HMGCLL1: variants seen among roughly 807,000 people sequenced by gnomAD.
HMGCLL1 encodes 3-hydroxy-3-methylglutaryl-CoA lyase like 1, also known as 3-hydroxymethyl-3-methylglutaryl-CoA lyase, cytoplasmic.
A neutral mutation model predicts 39.1 loss-of-function variants in HMGCLL1; 36 were observed. The ratio of observed to expected loss-of-function variants is 0.92; its 90% CI spans 0.71 to 1.22. HMGCLL1 has a LOEUF of 1.22. Among genes scored for constraint, HMGCLL1 ranks in the 50% most tolerant of loss-of-function variants. HMGCLL1 has a pLI of 0.00. For missense variants in HMGCLL1, 451 were observed against 416.5 expected, an observed-to-expected ratio of 1.08 and a Z score of -0.72; for synonymous variants, 149 against 144.0, an observed-to-expected ratio of 1.03 and a Z score of -0.25.
chr6:55,502,668 T>C (rs1201628165), intron 5 of HMGCLL1, among the ~76,000 whole-genome samples: 1 of 151,036 alleles, frequency 6.6e-6, no homozygotes, highest in Non-Finnish European at 1.5e-5. Context: ...TTAGAGATAA[T>C]GTTTCATTTT....
chr6:55,474,700 T>C (rs566504830), intron 7 of HMGCLL1, among the ~76,000 whole-genome samples: 19 of 151,642 alleles, frequency 1.3e-4, no homozygotes, highest in African/African-American at 3.4e-4. Flanking sequence ...TTGTTGTTGT[T>C]GTCGTTGAAA....
intron 7 of HMGCLL1, among the ~76,000 whole-genome samples, chr6:55,469,536 T>C (rs1157637181): frequency 6.7e-6 from 1 of 150,064 alleles, no homozygotes; most frequent in East Asian, 2.0e-4. Context: ...TGTAATAAAA[T>C]GGAAAGGAGG....
intron 7 of HMGCLL1, among the ~76,000 whole-genome samples, chr6:55,461,194 T>C (rs1678605857): frequency 6.6e-6 from 1 of 152,006 alleles, no homozygotes; most frequent in South Asian, 2.1e-4. Flanking sequence ...TTTAGTAATC[T>C]AGACCGTCAT....
chr6:55,472,288 C>A (rs1349606272), intron 7 of HMGCLL1, among the ~76,000 whole-genome samples: 1 of 151,594 alleles, frequency 6.6e-6, no homozygotes, highest in East Asian at 1.9e-4. Context: ...GTACTTTGTA[C>A]CTCAGACTTT....
At chr6:55,480,012 G>C (rs1765651112) in intron 7 of HMGCLL1, among the ~76,000 whole-genome samples, 1 of 151,610 alleles carries the variant, frequency 6.6e-6, no homozygotes, top group African/African-American at 2.4e-5. Flanking sequence ...TTAAAGAAGT[G>C]AGAGAGTTTC....
the HMGCLL1 span, among the ~76,000 whole-genome samples, chr6:55,632,857 A>T: frequency 6.6e-6 from 1 of 152,090 alleles, no homozygotes; most frequent in Non-Finnish European, 1.5e-5. Context: ...AGAAAATTTC[A>T]GTGTATAGTT....
chr6:55,651,332 A>T, the HMGCLL1 span, among the ~76,000 whole-genome samples: 1 of 152,176 alleles, frequency 6.6e-6, no homozygotes, highest in Middle Eastern at 3.4e-3. Flanking sequence ...TCTTTCTTTA[A>T]GGCAGTGGGT....
At chr6:55,596,032 A>G in the HMGCLL1 span, among the ~76,000 whole-genome samples, 1 of 152,192 alleles carries the variant, frequency 6.6e-6, no homozygotes, top group African/African-American at 2.4e-5. Context: ...TTATTAAAAA[A>G]GGAATTGGAA....
intron 7 of HMGCLL1, among the ~76,000 whole-genome samples, chr6:55,466,150 G>C (rs550443336): frequency 1.7e-4 from 26 of 152,190 alleles, no homozygotes; most frequent in Non-Finnish European, 1.0e-4. Flanking sequence ...TCTATGGGAA[G>C]TGGGGCAGGA....
intron 5 of HMGCLL1, among the ~76,000 whole-genome samples, chr6:55,504,585 T>C (rs1561922838): frequency 6.6e-6 from 1 of 151,738 alleles, no homozygotes; most frequent in African/African-American, 2.4e-5. Context: ...CTATATACTT[T>C]AAATCATCTC....
the HMGCLL1 span, among the ~76,000 whole-genome samples, chr6:55,585,149 A>G: frequency 5.9e-5 from 9 of 152,200 alleles, no homozygotes; most frequent in Non-Finnish European, 1.0e-4. Flanking sequence ...TCTTTTGAGA[A>G]TAAGTAATGA....
chr6:55,542,109 A>C lies in HMGCLL1; in HGVS notation c.140T>G (p.Phe47Cys). ...ETSQLSGLPE[F>C]VKIVEVGPRD... Reference sequence around the variant, plus strand: ...AGGCCCAACTTCTACTATTTTAACAAACTCAGGGAGTCCAGATAACTGGGA... The same window carrying C: ...AGGCCCAACTTCTACTATTTTAACACACTCAGGGAGTCCAGATAACTGGGA... The change falls in exon 2 of 9, where the codon TTT becomes TGT. Residue 47 changes from phenylalanine (F) to cysteine (C), a missense_variant. Phe to Cys is a radical substitution (Grantham distance 205). Coordinates refer to ENST00000274901, the MANE Select transcript of HMGCLL1 (RefSeq NM_001042406.2). 6.2e-7 allele frequency: 1 copy of C among 1,610,974 alleles called. No individual in the cohort carries two copies.
At chr6:55,543,429 CAT>C (rs1268673224) in intron 1 of HMGCLL1, among the ~76,000 whole-genome samples, 3 of 55,056 alleles carry the variant, frequency 5.4e-5, no homozygotes, top group East Asian at 5.1e-4. Context: ...TGATATATAT[CAT>C]ATATCATATA....
At chr6:55,589,268 G>A in the HMGCLL1 span, among the ~76,000 whole-genome samples, 3 of 152,146 alleles carry the variant, frequency 2.0e-5, no homozygotes, top group South Asian at 2.1e-4. Context: ...ATCAACAAAC[G>A]TAATCCAGCA....
chr6:55,541,193 G>A (rs972973199), intron 3 of HMGCLL1, among the ~76,000 whole-genome samples: 1 of 152,034 alleles, frequency 6.6e-6, no homozygotes, highest in Non-Finnish European at 1.5e-5. Flanking sequence ...CCTAGAGAAA[G>A]CTCTCTCATC....
At chr6:55,477,424 A>ATATATATTATATTATATATAATATATAT (rs1765496813) in intron 7 of HMGCLL1, among the ~76,000 whole-genome samples, 1 of 32,066 alleles carries the variant, frequency 3.1e-5, no homozygotes, top group Non-Finnish European at 4.7e-5. Flanking sequence ...TATTATCTTA[A>ATATATATTATATTATATATAATATATAT]TATATATTAT....
chr6:55,471,581 T>G (rs1254408309), intron 7 of HMGCLL1, among the ~76,000 whole-genome samples: 1 of 151,738 alleles, frequency 6.6e-6, no homozygotes, highest in African/African-American at 2.4e-5. Context: ...CACATTTAAA[T>G]TTGCATTTTT....
rs1190928416 is a variant in HMGCLL1, at chr6:55,578,940, G to C, written c.108+8C>G. ...AGGGTGGGGACACCCTGGGCCGCGA[G>C]GTGGTACCTGCGCGGGGTCGAGCGC... On this transcript the variant is annotated splice_region_variant and intron_variant, in intron 1 of 8. Transcript: ENST00000274901. The C allele has an allele frequency of 1.2e-6, 2 of 1,602,098 alleles. No individual in the cohort carries two copies. The highest frequency in any genetic ancestry group is 1.7e-6 in the Non-Finnish European group (2 of 1,172,028).
intron 3 of HMGCLL1, among the ~76,000 whole-genome samples, chr6:55,531,301 C>T (rs924847290): frequency 1.3e-5 from 2 of 152,072 alleles, no homozygotes; most frequent in Non-Finnish European, 2.9e-5. Flanking sequence ...AGACTAATCA[C>T]AGTAATGCAA....
Sources: gnomAD v4.1 joint callset for allele counts (sites outside exome capture counted in the v4.1 genomes callset) on GRCh38, gnomAD v4.1.1 for gene constraint, MANE v1.5 for transcripts, NCBI Gene and HGNC (gene_info 2026-07-23, HGNC 2026-07-21) for gene names.